The following GGA3 variants were observed in gnomAD, a reference collection of about 807,000 sequenced individuals.
GGA3 encodes golgi associated, gamma adaptin ear containing, ARF binding protein 3.
Under a neutral mutation model 77.5 loss-of-function variants are expected in GGA3, and 57 were observed. The observed-to-expected ratio is 0.74, with a 90% CI of 0.59 to 0.92. The LOEUF is 0.92. Ranked by LOEUF, GGA3 falls within the 40% of genes least tolerant of loss-of-function variation. The probability of loss-of-function intolerance (pLI) is 0.00; values close to 1 mark genes in which losing one functional copy is unlikely to be tolerated. For synonymous variants in GGA3, 416 were observed against 383.7 expected (o/e 1.08, Z -0.98); for missense variants, 970 against 914.9 (o/e 1.06, Z -0.78).
chr17:75,248,816 CAA>C lies in GGA3; in HGVS notation c.41-2022_41-2021del, dbSNP rs1567795848. Reference sequence around the variant, plus strand: ...AAAACAAAAACAAAAACAAAAAAAACAAAACAAAAAAAAAAAAACTCACCAGC... The same window carrying C: ...AAAACAAAAACAAAAACAAAAAAAACAACAAAAAAAAAAAAACTCACCAGC... On this transcript the variant is annotated intron_variant, in intron 1 of 16. Coordinates refer to ENST00000537686, the MANE Select transcript of GGA3 (RefSeq NM_138619.4). 25 of 674,892 alleles carry C rather than the reference CAA, an allele frequency of 3.7e-5. No individual in the cohort carries two copies. The East Asian group carries it at 1.7e-3, about 46-fold the overall frequency. 41.8% of individuals were successfully genotyped at this position (674,892 alleles called of 1,614,324 possible).
chr17:75,249,144 C>T (rs1457711596), intron 1 of GGA3: 10 of 227,824 alleles, frequency 4.4e-5, no homozygotes, highest in East Asian at 3.7e-4. Context: ...CTCCCAGGTT[C>T]GAGCTATTCT....
chr17:75,240,207 C>T (rs1430106467), intron 12 of GGA3, 99 bp from the exon 13 acceptor site: 8 of 1,188,002 alleles, frequency 6.7e-6, no homozygotes, highest in East Asian at 2.5e-5. Flanking sequence ...AAGACAGCCC[C>T]GGAGGCACTC....
At chr17:75,250,584 G>A in intron 1 of GGA3, among the ~76,000 whole-genome samples, 1 of 151,692 alleles carries the variant, frequency 6.6e-6, no homozygotes, top group East Asian at 1.9e-4. Context: ...TCAACATGGT[G>A]AAATCCTGTC....
Position 75,240,103 on chromosome 17 carries a change from T to C in GGA3, c.1269A>G (p.Glu423=). The C allele has an allele frequency of 1.3e-6, 2 of 1,525,562 alleles. No homozygotes were observed. Among genetic ancestry groups the C allele is most frequent in the Non-Finnish European group, 1.8e-6 (2 of 1,135,574 alleles). 94.5% of individuals were successfully genotyped at this position (1,525,562 alleles called of 1,614,324 possible). A position where few individuals can be genotyped will look rare whatever the true frequency, so the allele number is the denominator to read the frequency against. ...GNSQWHLLQR[E]QSDLDFFSPR... ...GGCTGAAGAAGTCCAGGTCGGACTG[T>C]TCCCTCTATGAACAACAGAAAGGGT... Residue 423 remains glutamate (E), a synonymous_variant, in exon 13 of 17, where the codon GAA becomes GAG. Transcript: ENST00000537686.
chr17:75,250,245 G>A lies in GGA3; in HGVS notation c.41-3449C>T, dbSNP rs562339993. 4.6e-5 allele frequency among the ~76,000 whole-genome samples: 7 copies of A among 152,266 alleles called. No individual in the cohort carries two copies. In the South Asian group the frequency reaches 6.2e-4, roughly 14 times the overall value. On this transcript the variant is annotated intron_variant, in intron 1 of 16. Transcript: ENST00000537686. The stretch of plus-strand genomic sequence containing the variant: ...CTTCCCCTATAGACCTTGCCTTCCC[G>A]AACCGCCCCTCCGGGCTCTGCTCTG...
chr17:75,244,421 G>T, intron 4 of GGA3, 198 bp downstream of exon 4: 1 of 553,014 alleles, frequency 1.8e-6, no homozygotes, highest in Non-Finnish European at 3.3e-6. Context: ...TTGGGCTGAG[G>T]GCGCTTCAGA....
At chr17:75,255,453 C>CA (rs1260907641) in intron 1 of GGA3, among the ~76,000 whole-genome samples, 2 of 150,422 alleles carry the variant, frequency 1.3e-5, no homozygotes, top group African/African-American at 4.8e-5. Context: ...TATTCCCCCC[C>CA]ACCTTAACCC....
Position 75,258,274 on chromosome 17 carries a change from G to A in GGA3, c.40+3274C>T, listed in dbSNP as rs529071074. Among the ~76,000 whole-genome samples, 5 of 152,276 alleles carry A rather than the reference G, an allele frequency of 3.3e-5. No homozygotes were observed. In the South Asian group the frequency reaches 6.2e-4, roughly 19 times the overall value. Reference sequence around the variant, plus strand: ...TGTTTGGTAGTCTCTTCACACGGACGCGCATGAAACCTATATCAAATCAAG... The same window carrying A: ...TGTTTGGTAGTCTCTTCACACGGACACGCATGAAACCTATATCAAATCAAG... On this transcript the variant is annotated intron_variant, in intron 1 of 16. Transcript: ENST00000537686.
rs924283085 is a variant in GGA3, at chr17:75,238,360, G to A, written c.2091C>T (p.Thr697=). Residue 697 remains threonine (T), a synonymous_variant, in exon 17 of 17, where the codon ACC becomes ACT. Transcript: ENST00000537686. ...TGCTCAGCTGCTCCCCCAGGGCGAAGGTCAGCTTATACCGAAGCCGCACCT... is the reference window on the plus strand; with the variant it reads ...TGCTCAGCTGCTCCCCCAGGGCGAAAGTCAGCTTATACCGAAGCCGCACCT... The part of the protein sequence containing the change: ...KEKVRLRYKL[T]FALGEQLSTE... 2 of 1,613,890 alleles carry A rather than the reference G, an allele frequency of 1.2e-6. No homozygotes were observed. Among genetic ancestry groups the A allele is most frequent in the Non-Finnish European group, 1.7e-6 (2 of 1,179,984 alleles).
chr17:75,258,560 C>T (rs1377995457), intron 1 of GGA3, among the ~76,000 whole-genome samples: 2 of 152,284 alleles, frequency 1.3e-5, no homozygotes, highest in South Asian at 2.1e-4. Flanking sequence ...GTCCCAGCTA[C>T]TTGGGAGGCT....
intron 1 of GGA3, among the ~76,000 whole-genome samples, chr17:75,259,089 G>A (rs1051488848): frequency 6.6e-6 from 1 of 151,638 alleles, no homozygotes; most frequent in Non-Finnish European, 1.5e-5. Context: ...GTGTAGCTGG[G>A]ACTACAGGCG....
In GGA3 at chr17:75,238,346, T is replaced by G; in HGVS notation, c.2105A>C (p.Glu702Ala). Reference sequence around the variant, plus strand: ...CTCGCCCACCTCTGTGCTCAGCTGCTCCCCCAGGGCGAAGGTCAGCTTATA... The same window carrying G: ...CTCGCCCACCTCTGTGCTCAGCTGCGCCCCCAGGGCGAAGGTCAGCTTATA... ...LRYKLTFALG[E>A]QLSTEVGEVD... is the part of the protein sequence containing the mutation. Residue 702 changes from glutamate (E) to alanine (A), a missense_variant, in exon 17 of 17, where the codon GAG becomes GCG. Glu to Ala is a moderately radical substitution (Grantham distance 107). Coordinates refer to ENST00000537686, the MANE Select transcript of GGA3 (RefSeq NM_138619.4). The G allele has an allele frequency of 6.2e-7, 1 of 1,613,674 alleles. No individual in the cohort carries two copies. The highest frequency in any genetic ancestry group is 8.5e-7 in the Non-Finnish European group (1 of 1,179,944).
rs772580030 is a variant in GGA3, at chr17:75,243,169, G to A, written c.425-3C>T. The A allele has an allele frequency of 1.3e-6, 2 of 1,598,448 alleles. No homozygotes were observed. Among genetic ancestry groups the A allele is most frequent in the Non-Finnish European group, 1.7e-6 (2 of 1,169,896 alleles). On this transcript the variant is annotated splice_polypyrimidine_tract_variant and splice_region_variant and intron_variant, in intron 5 of 16. Transcript: ENST00000537686. ...TGGTGGGTCAGACTGCACTATGCCT[G>A]AAAGGGGACATGGCAGCACGTGCAC...
At chr17:75,253,225 C>T (rs2077031856) in intron 1 of GGA3, among the ~76,000 whole-genome samples, 1 of 152,218 alleles carries the variant, frequency 6.6e-6, no homozygotes, top group Non-Finnish European at 1.5e-5. Flanking sequence ...TTACTCTCTT[C>T]TCCAACCTCT....
chr17:75,244,439 G>GC, intron 4 of GGA3, 180 bp downstream of exon 4: 2 of 597,692 alleles, frequency 3.3e-6, no homozygotes, highest in South Asian at 3.7e-5. Context: ...AGAAAAAGCT[G>GC]CCGGTCCCTG....
chr17:75,258,681 T>C (rs1238318217), intron 1 of GGA3, among the ~76,000 whole-genome samples: 3 of 151,922 alleles, frequency 2.0e-5, no homozygotes, highest in African/African-American at 7.3e-5. Flanking sequence ...AATAAATAAA[T>C]AAATAAAATA....
intron 1 of GGA3, among the ~76,000 whole-genome samples, chr17:75,253,551 T>G (rs112483309): frequency 6.6e-6 from 1 of 152,266 alleles, no homozygotes; most frequent in African/African-American, 2.4e-5. Context: ...TCTCCGTGTC[T>G]CTACCCCTTC....
At chr17:75,245,679 C>T (rs535057122) in intron 3 of GGA3, among the ~76,000 whole-genome samples, 6 of 152,224 alleles carry the variant, frequency 3.9e-5, no homozygotes, top group East Asian at 1.9e-4. Context: ...TGTGTGCCAC[C>T]GTGCCTGGCT....
In GGA3 at chr17:75,237,327, C is replaced by T; in HGVS notation, c.*952G>A. 1.4e-6 allele frequency: 1 copy of T among 692,978 alleles called. No homozygotes were observed. Among genetic ancestry groups the T allele is most frequent in the Non-Finnish European group, 2.5e-6 (1 of 394,464 alleles). The allele number at this position is 692,978 out of a possible 1,614,324, so 42.9% of individuals were successfully genotyped here. ...TATGTCTAGTGTAACATTTGTGATCCTGAGGCCTCCTGTGTCCAGCCACAG... is the reference window on the plus strand; with the variant it reads ...TATGTCTAGTGTAACATTTGTGATCTTGAGGCCTCCTGTGTCCAGCCACAG... On this transcript the variant is annotated 3_prime_UTR_variant, in exon 17 of 17. Transcript: ENST00000537686.
Sources: allele counts gnomAD v4.1 joint callset (sites outside exome capture counted in the v4.1 genomes callset), GRCh38; gene constraint gnomAD v4.1.1; transcripts MANE v1.5; gene names NCBI Gene and HGNC (gene_info 2026-07-23, HGNC 2026-07-21).